SORCS1: variants seen among roughly 807,000 people sequenced by gnomAD.
SORCS1 encodes the protein VPS10 domain-containing receptor SorCS1.
SORCS1 carries 60 observed loss-of-function variants against 146.1 expected under a neutral mutation model. The observed-to-expected ratio is 0.41, with a 90% confidence interval of 0.33 to 0.51. SORCS1 has a LOEUF of 0.51. SORCS1 is among the 20% of genes least tolerant of loss of function. The pLI is 0.21. For missense variants in SORCS1, 1,352 were observed against 1,487.6 expected (o/e 0.91, Z 1.50); for synonymous variants, 637 against 584.0 (o/e 1.09, Z -1.31).
At chr10:106,767,958 C>A (rs1403304650) in intron 4 of SORCS1, among the ~76,000 whole-genome samples, 1 of 152,168 alleles carries the variant, frequency 6.6e-6, no homozygotes, top group East Asian at 1.9e-4. Flanking sequence ...ATGTTCATTT[C>A]TCCTTATTCT....
chr10:106,747,914 T>C (rs1564926305), intron 5 of SORCS1, among the ~76,000 whole-genome samples: 1 of 152,222 alleles, frequency 6.6e-6, no homozygotes. Flanking sequence ...TACGTGTCAA[T>C]TGAAATATTA....
At chr10:106,613,035 ACT>A (rs1353724378) in intron 21 of SORCS1, among the ~76,000 whole-genome samples, 2 of 151,156 alleles carry the variant, frequency 1.3e-5, no homozygotes, top group Non-Finnish European at 2.9e-5. Context: ...TTATGGCACT[ACT>A]CTGTTTTGTA....
chr10:106,890,996 T>G (rs146694756), intron 2 of SORCS1, among the ~76,000 whole-genome samples: 38 of 152,282 alleles, frequency 2.5e-4, no homozygotes, highest in African/African-American at 8.9e-4. Flanking sequence ...GGATAATTCC[T>G]CTAGTAGTAT....
intron 18 of SORCS1, among the ~76,000 whole-genome samples, chr10:106,634,762 A>G (rs1367844316): frequency 6.6e-6 from 1 of 152,228 alleles, no homozygotes; most frequent in East Asian, 1.9e-4. Context: ...TAAGCCGTAA[A>G]GAAGATAGAG....
intron 1 of SORCS1, among the ~76,000 whole-genome samples, chr10:107,146,970 C>G (rs541047060): frequency 6.6e-6 from 1 of 152,062 alleles, no homozygotes; most frequent in South Asian, 2.1e-4. Flanking sequence ...CAAATAGTGC[C>G]TGGCACATAG....
intron 20 of SORCS1, chr10:106,619,988 G>A (rs1328411253): frequency 6.5e-6 from 1 of 152,810 alleles, no homozygotes; most frequent in Non-Finnish European, 1.5e-5. Flanking sequence ...GTTTTCTTTT[G>A]GTAATCACTT....
At chr10:106,854,542 GT>G (rs1949711586) in intron 2 of SORCS1, among the ~76,000 whole-genome samples, 1 of 145,434 alleles carries the variant, frequency 6.9e-6, no homozygotes, top group African/African-American at 2.6e-5. Flanking sequence ...TCTTTCACAT[GT>G]TTTCTGTCTT....
rs186025295 is a variant in SORCS1, at chr10:106,692,066, C to T, written c.1414-3728G>A. Among the ~76,000 whole-genome samples, 379 of 151,986 alleles carry T rather than the reference C, an allele frequency of 2.5e-3. 5 individuals carry two copies. Among genetic ancestry groups the T allele is most frequent in the African/African-American group, 8.7e-3 (360 of 41,500 alleles). ...TTTGTTTGTTTGTTTGAAACAGGGT[C>T]TCTCTCTCTCTGGCACCTAAGCTGG... On this transcript the variant is annotated intron_variant, in intron 9 of 25. Coordinates refer to ENST00000263054, the MANE Select transcript of SORCS1 (RefSeq NM_052918.5).
chr10:106,911,337 T>C (rs907708826), intron 2 of SORCS1, among the ~76,000 whole-genome samples: 35 of 152,340 alleles, frequency 2.3e-4, no homozygotes, highest in Admixed American at 1.2e-3. Context: ...CGGTGACACA[T>C]TGAGATTCCC....
At chr10:106,685,167 A>C (rs1219525786) in intron 10 of SORCS1, among the ~76,000 whole-genome samples, 2 of 152,278 alleles carry the variant, frequency 1.3e-5, no homozygotes, top group South Asian at 4.1e-4. Flanking sequence ...CAAATCCTCC[A>C]GTGGACTCTC....
At chr10:106,882,906 A>G (rs376041654) in intron 2 of SORCS1, among the ~76,000 whole-genome samples, 235 of 152,302 alleles carry the variant, frequency 1.5e-3, no homozygotes, top group African/African-American at 5.2e-3. Flanking sequence ...TTTCAAAAAC[A>G]AACACAAAAC....
chr10:106,718,512 G>A (rs534571373), intron 6 of SORCS1, among the ~76,000 whole-genome samples: 14 of 151,554 alleles, frequency 9.2e-5, no homozygotes, highest in South Asian at 2.1e-4. Flanking sequence ...GAGTGAAGCC[G>A]CAAACCTTCG....
chr10:106,920,017 G>A (rs371047743), intron 2 of SORCS1, among the ~76,000 whole-genome samples: 1 of 152,142 alleles, frequency 6.6e-6, no homozygotes, highest in African/African-American at 2.4e-5. Flanking sequence ...TGCTGATGAC[G>A]ATAGAAAGGT....
At position 106,605,756 on chromosome 10, in the gene SORCS1, G is replaced by T. The variant is rs543336911; in HGVS notation, c.3165+1410C>A. 4.5e-4 allele frequency among the ~76,000 whole-genome samples: 68 copies of T among 152,270 alleles called. 1 individual carries two copies. Among genetic ancestry groups the T allele is most frequent in the Admixed American group, 7.8e-4 (12 of 15,296 alleles). Reference sequence around the variant, plus strand: ...CTTCACTAGGAAATGGGGTTCAACAGGGCTTTCCATGAGAGCTCTGCTCTT... The same window carrying T: ...CTTCACTAGGAAATGGGGTTCAACATGGCTTTCCATGAGAGCTCTGCTCTT... On this transcript the variant is annotated intron_variant, in intron 23 of 25. Coordinates refer to ENST00000263054, the MANE Select transcript of SORCS1 (RefSeq NM_052918.5).
chr10:106,598,692 AT>A (rs961616871), intron 23 of SORCS1, among the ~76,000 whole-genome samples: 7 of 151,482 alleles, frequency 4.6e-5, no homozygotes, highest in African/African-American at 9.7e-5. Context: ...TAAATTCTTA[AT>A]TTTTTTTTCC....
intron 1 of SORCS1, among the ~76,000 whole-genome samples, chr10:106,981,053 C>G (rs751331477): frequency 2.0e-5 from 3 of 151,160 alleles, no homozygotes; most frequent in Non-Finnish European, 4.4e-5. Context: ...GGGATCTGAA[C>G]CAATAAAAAG....
At chr10:106,589,365 T>C (rs1276205347) in intron 24 of SORCS1, among the ~76,000 whole-genome samples, 2 of 152,188 alleles carry the variant, frequency 1.3e-5, no homozygotes, top group East Asian at 1.9e-4. Context: ...TCAAGTCATT[T>C]CCCACTCCCT....
At chr10:106,870,182 G>C (rs567891345) in intron 2 of SORCS1, among the ~76,000 whole-genome samples, 14 of 152,174 alleles carry the variant, frequency 9.2e-5, no homozygotes, top group African/African-American at 3.4e-4. Flanking sequence ...ACTACTCAAA[G>C]AAATCAGAAA....
At chr10:106,963,857 T>C (rs1033535635) in intron 1 of SORCS1, among the ~76,000 whole-genome samples, 6 of 152,328 alleles carry the variant, frequency 3.9e-5, no homozygotes, top group African/African-American at 1.2e-4. Context: ...TGATATTTGA[T>C]ATGAGTCTCT....
Sources: allele counts gnomAD v4.1 joint callset (sites outside exome capture counted in the v4.1 genomes callset), GRCh38; gene constraint gnomAD v4.1.1; transcripts MANE v1.5; gene names NCBI Gene and HGNC (gene_info 2026-07-23, HGNC 2026-07-21).